Variants in SLC16A10 observed in about 807,000 individuals in gnomAD.
SLC16A10 encodes the protein solute carrier family 16 member 10.
Under a neutral mutation model 40.0 loss-of-function variants are expected in SLC16A10, and 27 were observed. The ratio of observed to expected loss-of-function variants is 0.67; its 90% confidence interval spans 0.50 to 0.93. The LOEUF (loss-of-function observed/expected upper bound fraction) is 0.93, where lower values mean the gene tolerates loss of function less well. SLC16A10 is among the 40% of genes least tolerant of loss of function. The pLI is 0.00. For missense variants in SLC16A10, 529 were observed against 658.2 expected (o/e 0.80, Z 2.15); for synonymous variants, 213 against 249.8 (o/e 0.85, Z 1.39).
At chr6:111,097,372 C>T (rs970040579) in intron 1 of SLC16A10, among the ~76,000 whole-genome samples, 3 of 151,906 alleles carry the variant, frequency 2.0e-5, no homozygotes, top group African/African-American at 4.8e-5. Flanking sequence ...AGTGCAGTGG[C>T]GTGATCTCGG....
At chr6:111,192,038 A>G (rs563882275) in intron 3 of SLC16A10, among the ~76,000 whole-genome samples, 2 of 152,196 alleles carry the variant, frequency 1.3e-5, no homozygotes, top group South Asian at 4.1e-4. Flanking sequence ...CAATTTGTCA[A>G]TTTTGGCTTT....
chr6:111,155,415 G>T (rs1173412448), intron 1 of SLC16A10, among the ~76,000 whole-genome samples: 1 of 151,728 alleles, frequency 6.6e-6, no homozygotes, highest in Non-Finnish European at 1.5e-5. Context: ...GTCCAGGCTG[G>T]TCTCAAACTC....
At chr6:111,170,743 C>A (rs945073079) in intron 1 of SLC16A10, among the ~76,000 whole-genome samples, 1 of 152,180 alleles carries the variant, frequency 6.6e-6, no homozygotes, top group Non-Finnish European at 1.5e-5. Flanking sequence ...GCCACCGCAC[C>A]CAGCCTAGAT....
rs543690968 is a variant in SLC16A10 at position 111,134,957 on chromosome 6, C to T, written c.344-37738C>T. Reference sequence around the variant, plus strand: ...GGTGTGGCCTTCTCAGTCTTACTCTCCTGTCCCGGACAACTGGCCTCCATA... The same window carrying T: ...GGTGTGGCCTTCTCAGTCTTACTCTTCTGTCCCGGACAACTGGCCTCCATA... On this transcript the variant is annotated intron_variant, in intron 1 of 5. Coordinates refer to ENST00000368851, the MANE Select transcript of SLC16A10 (RefSeq NM_018593.5). 8.5e-5 allele frequency among the ~76,000 whole-genome samples: 13 copies of T among 152,312 alleles called. No individual in the cohort carries two copies. The East Asian group carries it at 9.7e-4, about 11-fold the overall frequency.
chr6:111,169,443 G>A (rs1410228728), intron 1 of SLC16A10, among the ~76,000 whole-genome samples: 2 of 152,224 alleles, frequency 1.3e-5, no homozygotes, highest in Admixed American at 6.5e-5. Flanking sequence ...TCAGCAGACA[G>A]GTGTTTTGGC....
intron 1 of SLC16A10, among the ~76,000 whole-genome samples, chr6:111,142,227 T>G (rs923913341): frequency 1.3e-5 from 2 of 152,082 alleles, no homozygotes; most frequent in Non-Finnish European, 2.9e-5. Flanking sequence ...ACAAATACAG[T>G]TAATCTTTGA....
At position 111,163,649 on chromosome 6, in the gene SLC16A10, C is replaced by T. The variant is rs368906883; in HGVS notation, c.344-9046C>T. Among the ~76,000 whole-genome samples, 16 of 152,106 alleles carry T rather than the reference C, an allele frequency of 1.1e-4. No homozygotes were observed. The East Asian group carries it at 1.5e-3, about 15-fold the overall frequency. On this transcript the variant is annotated intron_variant, in intron 1 of 5. Transcript: ENST00000368851. Reference sequence around the variant, plus strand: ...ACCTCTCTTTTGGATGCTCCAGGAGCCCTCTGTAGTATTCAAAAGTAAGGG... The same window carrying T: ...ACCTCTCTTTTGGATGCTCCAGGAGTCCTCTGTAGTATTCAAAAGTAAGGG...
rs4038340 is a variant in SLC16A10 at position 111,229,990 on chromosome 6, C to CTTTTTTTT, written c.*7766_*7773dup. 0.047 allele frequency: 4,022 copies of CTTTTTTTT among 85,220 alleles called. 546 individuals are homozygous for CTTTTTTTT. Among genetic ancestry groups the CTTTTTTTT allele is most frequent in the African/African-American group, 0.1 (2,019 of 19,896 alleles). 5.3% of individuals were successfully genotyped at this position (85,220 alleles called of 1,614,324 possible). On this transcript the variant is annotated 3_prime_UTR_variant, in exon 6 of 6. Transcript: ENST00000368851. ...CAGGTTTCTTTTTCTTTCTTTGTTT[C>CTTTTTTTT]TTTTTTTTTTTTTTTTTTGAGATGG... is the stretch of plus-strand genomic sequence containing the variant.
At position 111,087,640 on chromosome 6, in the gene SLC16A10, C is replaced by A; in HGVS notation, c.-113C>A. ...CCCGCCCGCCCGCCAGGGGCTCCGC[C>A]GCCCTCGCCTCGGCCTCGTTAGCCC... On this transcript the variant is annotated 5_prime_UTR_variant, in exon 1 of 6. Transcript: ENST00000368851. 1 of 568,970 alleles carries A rather than the reference C, an allele frequency of 1.8e-6. No homozygotes were observed. The highest frequency in any genetic ancestry group is 2.5e-6 in the Non-Finnish European group (1 of 401,300). 35.2% of individuals were successfully genotyped at this position (568,970 alleles called of 1,614,324 possible).
At chr6:111,131,411 T>C (rs1028077785) in intron 1 of SLC16A10, among the ~76,000 whole-genome samples, 22 of 152,184 alleles carry the variant, frequency 1.4e-4, no homozygotes, top group African/African-American at 5.3e-4. Context: ...AAGAAGAGGC[T>C]TGCCGCCATC....
At chr6:111,154,576 C>G (rs1380954036) in intron 1 of SLC16A10, among the ~76,000 whole-genome samples, 2 of 152,122 alleles carry the variant, frequency 1.3e-5, no homozygotes, top group African/African-American at 4.8e-5. Flanking sequence ...CCCTTTGTTT[C>G]TTATAGGAGA....
At chr6:111,125,430 T>C (rs1771657837) in intron 1 of SLC16A10, among the ~76,000 whole-genome samples, 1 of 152,110 alleles carries the variant, frequency 6.6e-6, no homozygotes, top group African/African-American at 2.4e-5. Flanking sequence ...CCAGGACACA[T>C]TTATGGTAAG....
chr6:111,140,201 G>T (rs1771956826), intron 1 of SLC16A10, among the ~76,000 whole-genome samples: 1 of 152,102 alleles, frequency 6.6e-6, no homozygotes, highest in African/African-American at 2.4e-5. Context: ...GAGGCTAATT[G>T]CCTCTAATCC....
At chr6:111,163,663 CA>C (rs1772417800) in intron 1 of SLC16A10, among the ~76,000 whole-genome samples, 1 of 152,076 alleles carries the variant, frequency 6.6e-6, no homozygotes, top group South Asian at 2.1e-4. Context: ...CTGTAGTATT[CA>C]AAAGTAAGGG....
At chr6:111,178,898 T>A (rs1772740902) in intron 3 of SLC16A10, among the ~76,000 whole-genome samples, 1 of 152,232 alleles carries the variant, frequency 6.6e-6, no homozygotes, top group African/African-American at 2.4e-5. Flanking sequence ...TAAGGTAAGT[T>A]TCCTGGAATA....
intron 1 of SLC16A10, among the ~76,000 whole-genome samples, chr6:111,129,989 C>T (rs955730042): frequency 1.3e-5 from 2 of 152,130 alleles, no homozygotes; most frequent in Non-Finnish European, 2.9e-5. Context: ...ATAATTTATA[C>T]AACTAGAATT....
intron 5 of SLC16A10, among the ~76,000 whole-genome samples, chr6:111,219,964 G>C (rs1374932588): frequency 6.6e-6 from 1 of 152,090 alleles, no homozygotes; most frequent in Non-Finnish European, 1.5e-5. Context: ...ACTAATATTA[G>C]TGTAGTCCCA....
intron 1 of SLC16A10, among the ~76,000 whole-genome samples, chr6:111,135,108 G>C (rs1470639780): frequency 6.6e-6 from 1 of 152,160 alleles, no homozygotes; most frequent in East Asian, 1.9e-4. Flanking sequence ...CCTTGTTAGG[G>C]AGAGACATTC....
chr6:111,103,069 C>G (rs1271201021), intron 1 of SLC16A10, among the ~76,000 whole-genome samples: 1 of 152,020 alleles, frequency 6.6e-6, no homozygotes, highest in African/African-American at 2.4e-5. Flanking sequence ...CCACATTTGG[C>G]TAATTTTCAT....
Sources: allele counts gnomAD v4.1 joint callset (sites outside exome capture counted in the v4.1 genomes callset), GRCh38; gene constraint gnomAD v4.1.1; transcripts MANE v1.5; gene names NCBI Gene and HGNC (gene_info 2026-07-23, HGNC 2026-07-21).